Variants in GABRP observed in about 807,000 individuals in gnomAD.
GABRP encodes gamma-aminobutyric acid type A receptor subunit pi.
GABRP carries 52 observed loss-of-function variants against 47.8 expected under a neutral mutation model. The ratio of observed to expected loss-of-function variants is 1.09; its 90% CI spans 0.87 to 1.37. The LOEUF is 1.37. GABRP is among the 40% of genes most tolerant of loss of function. The pLI, the probability that GABRP is intolerant of heterozygous loss-of-function variation, is 0.00. For synonymous variants in GABRP, 221 were observed against 205.8 expected (o/e 1.07, Z -0.63); for missense variants, 525 against 542.8 (o/e 0.97, Z 0.33).
intron 3 of GABRP, among the ~76,000 whole-genome samples, chr5:170,793,887 G>A (rs985233146): frequency 3.5e-4 from 53 of 152,222 alleles, no homozygotes; most frequent in African/African-American, 1.2e-3. Context: ...AGCCGAGATC[G>A]TGCTATTATT....
chr5:170,785,243 T>C (rs1194364694), intron 1 of GABRP, among the ~76,000 whole-genome samples: 1 of 152,194 alleles, frequency 6.6e-6, no homozygotes, highest in Non-Finnish European at 1.5e-5. Context: ...GGAATCCAGT[T>C]CAGCTTGGGG....
At chr5:170,789,379 G>T (rs1048717394) in intron 3 of GABRP, 132 bp downstream of exon 3, 2 of 613,822 alleles carry the variant, frequency 3.3e-6, no homozygotes, top group East Asian at 5.6e-5. Flanking sequence ...GGCAATGATG[G>T]ATGAGGATGG....
At chr5:170,789,078 G>A (rs1265788003) in intron 2 of GABRP, 51 bp from the exon 3 acceptor site, 3 of 1,429,932 alleles carry the variant, frequency 2.1e-6, no homozygotes, top group Middle Eastern at 1.7e-4. Flanking sequence ...GTGTACACGT[G>A]TTGATTCACA....
chr5:170,803,583 T>C (rs867281442), intron 6 of GABRP, among the ~76,000 whole-genome samples: 5 of 152,134 alleles, frequency 3.3e-5, no homozygotes, highest in African/African-American at 9.7e-5. Context: ...TCACCACATG[T>C]CATTGTTAGA....
intron 1 of GABRP, among the ~76,000 whole-genome samples, chr5:170,785,050 C>T (rs1765093126): frequency 6.6e-6 from 1 of 152,224 alleles, no homozygotes. Context: ...CCCCCAGCAC[C>T]TGTACCAGAA....
chr5:170,800,133 C>T (rs1765551302), intron 6 of GABRP, among the ~76,000 whole-genome samples: 1 of 152,120 alleles, frequency 6.6e-6, no homozygotes, highest in South Asian at 2.1e-4. Context: ...GGTACTGGTA[C>T]CAAAACAGAA....
At chr5:170,785,401 A>G (rs1469765530) in intron 1 of GABRP, among the ~76,000 whole-genome samples, 1 of 152,250 alleles carries the variant, frequency 6.6e-6, no homozygotes, top group Admixed American at 6.5e-5. Flanking sequence ...CTGGGCCAGC[A>G]GCCATGAGAA....
chr5:170,808,064 C>G (rs1425374832), intron 7 of GABRP, among the ~76,000 whole-genome samples: 1 of 152,162 alleles, frequency 6.6e-6, no homozygotes, highest in Admixed American at 6.5e-5. Context: ...TGATAGCTCT[C>G]TAACACATGC....
intron 6 of GABRP, among the ~76,000 whole-genome samples, chr5:170,799,235 A>G (rs970088688): frequency 6.6e-6 from 1 of 152,196 alleles, no homozygotes; most frequent in Admixed American, 6.5e-5. Context: ...ATGCCGCAAT[A>G]AATATACATG....
chr5:170,812,296 C>T lies in GABRP; in HGVS notation c.*38C>T. 2 of 1,515,376 alleles carry T rather than the reference C, an allele frequency of 1.3e-6. No homozygotes were observed. The highest frequency in any genetic ancestry group is 2.3e-5 in the South Asian group (2 of 85,972). The allele number at this position is 1,515,376 out of a possible 1,614,324, so 93.9% of individuals were successfully genotyped here. ...TTTCTTGCATGCCATAGGTCTTCAA[C>T]AGGACAAGATAATGATGTAAATGGT... On this transcript the variant is annotated 3_prime_UTR_variant, in exon 10 of 10. Coordinates refer to ENST00000265294, the MANE Select transcript of GABRP (RefSeq NM_014211.3).
intron 6 of GABRP, among the ~76,000 whole-genome samples, chr5:170,804,206 A>G (rs1201484920): frequency 7.8e-6 from 1 of 128,948 alleles, no homozygotes; most frequent in Non-Finnish European, 1.6e-5. Context: ...ATATATATAT[A>G]TATATTCATG....
chr5:170,783,953 G>C (rs546648043), intron 1 of GABRP, 79 bp downstream of exon 1: 1 of 152,334 alleles, frequency 6.6e-6, no homozygotes, highest in Non-Finnish European at 1.5e-5. Context: ...TGCTGGGACC[G>C]AGGGAGGGGG....
At position 170,813,253 on chromosome 5, in the gene GABRP, C is replaced by T. The variant is rs917295932; in HGVS notation, c.*995C>T. 1 of 152,190 alleles carries T rather than the reference C, an allele frequency of 6.6e-6. No individual in the cohort carries two copies. The highest frequency in any genetic ancestry group is 1.5e-5 in the Non-Finnish European group (1 of 68,048). 9.4% of individuals were successfully genotyped at this position (152,190 alleles called of 1,614,324 possible). On this transcript the variant is annotated 3_prime_UTR_variant, in exon 10 of 10. Transcript: ENST00000265294. ...TACTCTAACACTGAGCAACACTCTCCCAGTGGCAGATCCCCTGTATCATTC... is the reference window on the plus strand; with the variant it reads ...TACTCTAACACTGAGCAACACTCTCTCAGTGGCAGATCCCCTGTATCATTC...
At chr5:170,809,517 T>A (rs1403228570) in intron 8 of GABRP, 51 bp from the exon 9 acceptor site, 1 of 1,578,410 alleles carries the variant, frequency 6.3e-7, no homozygotes, top group Non-Finnish European at 8.7e-7. Context: ...CAGGCTATGG[T>A]GGAGGACTAA....
intron 5 of GABRP, 27 bp from the exon 6 acceptor site, chr5:170,797,439 G>A: frequency 6.9e-7 from 1 of 1,458,888 alleles, no homozygotes; most frequent in South Asian, 1.1e-5. Context: ...TCACAATACT[G>A]TTTTTGAACC....
chr5:170,797,096 C>A (rs1274805690), intron 5 of GABRP, among the ~76,000 whole-genome samples: 1 of 152,236 alleles, frequency 6.6e-6, no homozygotes, highest in African/African-American at 2.4e-5. Context: ...TGCCTGCTGT[C>A]AAGTGGTGAC....
intron 3 of GABRP, 129 bp from the exon 4 acceptor site, chr5:170,794,102 A>G: frequency 2.0e-6 from 1 of 491,606 alleles, no homozygotes; most frequent in South Asian, 6.3e-5. Flanking sequence ...TTATATTTAT[A>G]GAATATTTAA....
At chr5:170,806,631 G>T (rs1335411000) in intron 7 of GABRP, among the ~76,000 whole-genome samples, 1 of 152,026 alleles carries the variant, frequency 6.6e-6, no homozygotes, top group Non-Finnish European at 1.5e-5. Flanking sequence ...TTGGTAGAGA[G>T]GGGTTTCGCC....
At chr5:170,807,640 T>C (rs1401755611) in intron 7 of GABRP, among the ~76,000 whole-genome samples, 1 of 152,162 alleles carries the variant, frequency 6.6e-6, no homozygotes, top group African/African-American at 2.4e-5. Context: ...CCTTTTCAAA[T>C]CACTAAAACT....
Sources: allele counts gnomAD v4.1 joint callset (sites outside exome capture counted in the v4.1 genomes callset), GRCh38; gene constraint gnomAD v4.1.1; transcripts MANE v1.5; gene names NCBI Gene and HGNC (gene_info 2026-07-23, HGNC 2026-07-21).